Variants in RASL12 observed in about 807,000 individuals in gnomAD.
The protein encoded by RASL12 is ras-like protein family member 12.
A neutral mutation model predicts 22.9 loss-of-function variants in RASL12; 16 were observed. The ratio of observed to expected loss-of-function variants is 0.70; its 90% CI spans 0.47 to 1.06. The LOEUF (loss-of-function observed/expected upper bound fraction) is 1.06, where lower values mean the gene tolerates loss of function less well. RASL12 is among the 50% of genes least tolerant of loss of function. RASL12 has a pLI of 0.00. For missense variants in RASL12, 306 were observed against 353.1 expected (o/e 0.87, Z 1.07); for synonymous variants, 159 against 152.2 (o/e 1.04, Z -0.33).
chr15:65,047,964 A>G, the RASL12 span, among the ~76,000 whole-genome samples: 1 of 152,118 alleles, frequency 6.6e-6, no homozygotes, highest in Non-Finnish European at 1.5e-5. Flanking sequence ...GGATTACCTG[A>G]TGTCACGAGT....
chr15:65,056,068 C>T (rs982202176), intron 4 of RASL12, among the ~76,000 whole-genome samples: 13 of 151,918 alleles, frequency 8.6e-5, no homozygotes, highest in South Asian at 2.1e-4. Context: ...CCATGGGAAT[C>T]GAGGCGGGAA....
chr15:65,071,044 TA>T (rs1436120579), upstream of RASL12, among the ~76,000 whole-genome samples: 1 of 152,150 alleles, frequency 6.6e-6, no homozygotes, highest in East Asian at 1.9e-4. Flanking sequence ...TCTATGTGCA[TA>T]AGTGGCAAGG....
intron 4 of RASL12, 110 bp downstream of exon 4, chr15:65,058,317 T>C: frequency 1.2e-6 from 1 of 853,614 alleles, no homozygotes; most frequent in Non-Finnish European, 1.7e-6. Context: ...TCTACCACAA[T>C]TCAAGGGGAT....
downstream of RASL12, chr15:65,049,718 TA>T (rs2086624801): frequency 3.7e-6 from 1 of 270,872 alleles, no homozygotes; most frequent in Non-Finnish European, 7.0e-6. Context: ...CGATGGCTTT[TA>T]ATAAATATTT....
chr15:65,058,506 G>A lies in RASL12; in HGVS notation c.346C>T (p.Leu116Phe). The change falls in exon 4 of 5, where the codon CTT (leucine) becomes TTT (phenylalanine). Residue 116 changes from leucine (L) to phenylalanine (F), a missense_variant. Coordinates refer to ENST00000220062, the MANE Select transcript of RASL12 (RefSeq NM_016563.4). ...TGTGTCTCCTTCGCGTGCAAGGCAAGCAGCTCCAGGTAGCTGCTGCTGCTA... is the reference window on the plus strand; with the variant it reads ...TGTGTCTCCTTCGCGTGCAAGGCAAACAGCTCCAGGTAGCTGCTGCTGCTA... ...FDSSSSYLEL[L>F]ALHAKETQRS... 1.2e-6 allele frequency: 2 copies of A among 1,611,270 alleles called. No homozygotes were observed. Among genetic ancestry groups the A allele is most frequent in the South Asian group, 2.2e-5 (2 of 90,652 alleles).
In RASL12 at chr15:65,065,219, A is replaced by C. The variant is rs761282041; in HGVS notation, c.158T>G (p.Leu53Trp). ...AGGTACGGGGAGTAGTTTCTTACCCAAGTTGGGGTCATATTCACTGATAAA... is the reference window on the plus strand; with the variant it reads ...AGGTACGGGGAGTAGTTTCTTACCCCAGTTGGGGTCATATTCACTGATAAA... ...KRFISEYDPN[L>W]EDTYSSEETV... The change falls in exon 2 of 5, where the codon TTG becomes TGG. Residue 53 changes from leucine to tryptophan, a missense_variant and splice_region_variant. Physicochemically the swap from Leu to Trp is moderately conservative, Grantham distance 61 (BLOSUM62 -2). Coordinates refer to ENST00000220062, the MANE Select transcript of RASL12 (RefSeq NM_016563.4). 6.2e-7 allele frequency: 1 copy of C among 1,612,340 alleles called. No individual in the cohort carries two copies. The highest frequency in any genetic ancestry group is 8.5e-7 in the Non-Finnish European group (1 of 1,179,374).
intron 1 of RASL12, among the ~76,000 whole-genome samples, chr15:65,074,672 C>A (rs1438832864): frequency 6.6e-6 from 1 of 152,172 alleles, no homozygotes; most frequent in African/African-American, 2.4e-5. Flanking sequence ...GCTGGGATTA[C>A]AGGAATGAGC....
intron 1 of RASL12, among the ~76,000 whole-genome samples, chr15:65,075,221 G>A (rs537590104): frequency 1.3e-4 from 20 of 152,332 alleles, no homozygotes; most frequent in South Asian, 8.3e-4. Flanking sequence ...GCCCACCGGC[G>A]CTGTGCTTGA....
intron 2 of RASL12, among the ~76,000 whole-genome samples, chr15:65,064,592 TGTTTTTGA>T (rs1246975269): frequency 6.6e-6 from 1 of 151,610 alleles, no homozygotes; most frequent in Non-Finnish European, 1.5e-5. Flanking sequence ...AATACCTATT[TGTTTTTGA>T]GTTTTTTTTT....
downstream of RASL12, chr15:65,053,308 A>G (rs1054987352): frequency 2.8e-6 from 4 of 1,427,334 alleles, no homozygotes; most frequent in Admixed American, 5.9e-5. Context: ...CTTAGCAGAT[A>G]CAATGAATGA....
intron 1 of RASL12, among the ~76,000 whole-genome samples, chr15:65,075,684 G>C (rs1376135265): frequency 1.3e-5 from 2 of 150,972 alleles, no homozygotes; most frequent in Non-Finnish European, 2.9e-5. Context: ...TTTATGTCTA[G>C]CTCAGGGATT....
chr15:65,046,799 G>C, the RASL12 span, among the ~76,000 whole-genome samples: 1 of 152,054 alleles, frequency 6.6e-6, no homozygotes, highest in African/African-American at 2.4e-5. Flanking sequence ...TGTTGTACCA[G>C]CTGCTCAGGA....
In RASL12 at chr15:65,054,681, C is replaced by T. The variant is rs913985982; in HGVS notation, c.*218G>A. 35 of 1,392,390 alleles carry T rather than the reference C, an allele frequency of 2.5e-5. No homozygotes were observed. Among genetic ancestry groups the T allele is most frequent in the Non-Finnish European group, 2.6e-5 (28 of 1,075,030 alleles). The allele number at this position is 1,392,390 out of a possible 1,614,324, so 86.3% of individuals were successfully genotyped here. On this transcript the variant is annotated 3_prime_UTR_variant, in exon 5 of 5. Transcript: ENST00000220062. ...GGCTGTTTCCCTCTACGGCCACAGA[C>T]GCGGTGGTTACCATGAAGACCAAGG...
At chr15:65,058,053 G>C (rs751404584) in intron 4 of RASL12, among the ~76,000 whole-genome samples, 1 of 152,160 alleles carries the variant, frequency 6.6e-6, no homozygotes, top group African/African-American at 2.4e-5. Context: ...GGCGGATCAT[G>C]AGTTCAGGAG....
chr15:65,071,778 T>A (rs1382314156), upstream of RASL12, among the ~76,000 whole-genome samples: 1 of 152,020 alleles, frequency 6.6e-6, no homozygotes, highest in Non-Finnish European at 1.5e-5. Context: ...GGAACTGTAG[T>A]CCCGGGACTA....
downstream of RASL12, among the ~76,000 whole-genome samples, chr15:65,050,833 C>CTTTTTTTTTTTTTTTTTTT (rs67418433): frequency 2.0e-4 from 18 of 88,594 alleles, no homozygotes; most frequent in South Asian, 5.1e-4. Flanking sequence ...TCTTCTTCTT[C>CTTTTTTTTTTTTTTTTTTT]TTCTTTTTTT....
upstream of RASL12, among the ~76,000 whole-genome samples, chr15:65,069,387 C>G (rs2086915517): frequency 6.6e-6 from 1 of 152,188 alleles, no homozygotes; most frequent in African/African-American, 2.4e-5. Flanking sequence ...AAGTTCCAGT[C>G]ACATCCCTGG....
chr15:65,072,966 G>C (rs182755356), upstream of RASL12, among the ~76,000 whole-genome samples: 2 of 152,040 alleles, frequency 1.3e-5, no homozygotes, highest in African/African-American at 4.8e-5. Context: ...GTGAAACCCC[G>C]TCTCTACTGA....
intron 1 of RASL12, among the ~76,000 whole-genome samples, chr15:65,065,634 C>G (rs567240119): frequency 6.6e-6 from 1 of 152,144 alleles, no homozygotes; most frequent in Non-Finnish European, 1.5e-5. Context: ...TCGCCCACCC[C>G]GGACAAGTCA....
Sources: gnomAD v4.1 joint callset for allele counts (sites outside exome capture counted in the v4.1 genomes callset) on GRCh38, gnomAD v4.1.1 for gene constraint, MANE v1.5 for transcripts, NCBI Gene and HGNC (gene_info 2026-07-23, HGNC 2026-07-21) for gene names.